TRRAP: variants seen among roughly 807,000 people sequenced by gnomAD.
TRRAP encodes the protein transformation/transcription domain-associated protein.
A neutral mutation model predicts 438.8 loss-of-function variants in TRRAP; 41 were observed. That is an observed-to-expected ratio of 0.09 (90% CI 0.07 to 0.12). The LOEUF is 0.12. Among genes scored for constraint, TRRAP ranks in the 10% least tolerant of loss-of-function variants. The probability of loss-of-function intolerance (pLI) is 1.00; values close to 1 mark genes in which losing one functional copy is unlikely to be tolerated. For synonymous variants in TRRAP, 1,994 were observed against 1,962.9 expected (o/e 1.02, Z -0.42); for missense variants, 3,122 against 5,055.1 (o/e 0.62, Z 11.60).
intron 1 of TRRAP, among the ~76,000 whole-genome samples, chr7:98,878,919 C>G (rs1795285944): frequency 6.6e-6 from 1 of 152,122 alleles, no homozygotes; most frequent in South Asian, 2.1e-4. Context: ...ACGGAGCGCC[C>G]GGGACGGCGA....
intron 39 of TRRAP, 141 bp from the exon 40 acceptor site, chr7:98,953,026 T>A (rs1396053583): frequency 6.4e-6 from 7 of 1,100,554 alleles, no homozygotes; most frequent in Non-Finnish European, 9.0e-6. Context: ...AAACTTCATG[T>A]TACATTGTGT....
Position 98,945,958 on chromosome 7 carries a change from C to G in TRRAP, c.4548+8C>G. 1 of 1,458,588 alleles carries G rather than the reference C, an allele frequency of 6.9e-7. No individual in the cohort carries two copies. Among genetic ancestry groups the G allele is most frequent in the Non-Finnish European group, 9.0e-7 (1 of 1,105,282 alleles). 90.4% of individuals were successfully genotyped at this position (1,458,588 alleles called of 1,614,324 possible). ...GCCATGGAAGGGGTAGAGGTGAGAA[C>G]TTGAGCGGAGCTACAGGAGGGGGTT... On this transcript the variant is annotated splice_region_variant and intron_variant, in intron 33 of 72. Coordinates refer to ENST00000456197, the MANE Select transcript of TRRAP (RefSeq NM_001375524.1).
chr7:98,981,745 T>C (rs1425458056), intron 58 of TRRAP, 24 bp from the exon 59 acceptor site: 2 of 1,587,374 alleles, frequency 1.3e-6, no homozygotes, highest in Admixed American at 1.8e-5. Flanking sequence ...CCTCACGTCC[T>C]GTGTCACGTT....
At chr7:98,912,728 T>C (rs1789331470) in intron 18 of TRRAP, among the ~76,000 whole-genome samples, 1 of 152,154 alleles carries the variant, frequency 6.6e-6, no homozygotes, top group South Asian at 2.1e-4. Flanking sequence ...GAAAAAAATG[T>C]CTTCACCTAC....
chr7:98,981,714 T>C (rs1792928466), intron 58 of TRRAP, 55 bp from the exon 59 acceptor site: 3 of 1,531,382 alleles, frequency 2.0e-6, no homozygotes, highest in Non-Finnish European at 2.6e-6. Flanking sequence ...TTTGACACTT[T>C]ACACTGAGGG....
At chr7:98,959,936 T>TAAAAAAAAAAAA (rs780800568) in intron 45 of TRRAP, among the ~76,000 whole-genome samples, 1 of 112,704 alleles carries the variant, frequency 8.9e-6, no homozygotes, top group African/African-American at 3.8e-5. Context: ...CCTGGTCTCT[T>TAAAAAAAAAAAA]AAAAAAAAAA....
Position 98,914,424 on chromosome 7 carries a change from A to G in TRRAP, c.2200-1299A>G, listed in dbSNP as rs1393617323. The stretch of plus-strand genomic sequence containing the variant: ...AATACTTATTTTTAAATTTAAAGAT[A>G]TAAAATAATTATAATCTGTGTCCTC... On this transcript the variant is annotated intron_variant, in intron 18 of 72. Transcript: ENST00000456197. Among the ~76,000 whole-genome samples the G allele has an allele frequency of 2.0e-5, 3 of 152,160 alleles. No homozygotes were observed. In the East Asian group the frequency reaches 5.8e-4, roughly 29 times the overall value.
chr7:98,995,687 A>T (rs1161100503), intron 67 of TRRAP, among the ~76,000 whole-genome samples: 3 of 82,592 alleles, frequency 3.6e-5, no homozygotes, highest in African/African-American at 1.5e-4. Flanking sequence ...CCATCCTTGC[A>T]CCCCCATCCC....
chr7:99,005,472 A>G lies in TRRAP; in HGVS notation c.10753+124A>G, dbSNP rs147839403. 23,405 of 888,092 alleles carry G rather than the reference A, an allele frequency of 0.026. 379 individuals are homozygous for G. The highest frequency in any genetic ancestry group is 0.033 in the South Asian group (2,063 of 63,464). The allele number at this position is 888,092 out of a possible 1,614,324, so 55.0% of individuals were successfully genotyped here. ...TTTGAGGGTCCAGCTGCGTCAGCAG[A>G]GAATGTTGTAGTCTGTGCTGACCAG... On this transcript the variant is annotated intron_variant, in intron 69 of 72. Coordinates refer to ENST00000456197, the MANE Select transcript of TRRAP (RefSeq NM_001375524.1). This position sits in a 1 kb window ranked among gnomAD's most constrained non-coding sequence, Gnocchi z 5.1.
intron 6 of TRRAP, 132 bp downstream of exon 6, chr7:98,894,013 C>A (rs1796087109): frequency 2.6e-6 from 2 of 773,934 alleles, no homozygotes; most frequent in Admixed American, 2.8e-5. Flanking sequence ...AAGTTTGGGG[C>A]AATTCTTTAT....
chr7:98,999,001 C>G, intron 67 of TRRAP: 1 of 654,942 alleles, frequency 1.5e-6, no homozygotes. Context: ...CCCCCACAGG[C>G]GGGGGCAGCA....
intron 18 of TRRAP, among the ~76,000 whole-genome samples, chr7:98,914,956 C>T (rs1789453962): frequency 6.6e-6 from 1 of 151,428 alleles, no homozygotes; most frequent in South Asian, 2.1e-4. Context: ...TCATGTTAAA[C>T]TTAGCATGTG....
chr7:99,001,101 C>T (rs1203176770), intron 67 of TRRAP, among the ~76,000 whole-genome samples: 1 of 152,238 alleles, frequency 6.6e-6, no homozygotes, highest in Non-Finnish European at 1.5e-5. Context: ...TCTCCTTAAT[C>T]GGAAAGGACA....
At chr7:98,997,405 A>G (rs971258338) in intron 67 of TRRAP, among the ~76,000 whole-genome samples, 1 of 149,630 alleles carries the variant, frequency 6.7e-6, no homozygotes, top group Non-Finnish European at 1.5e-5. Flanking sequence ...AAGGAAAGAC[A>G]GTTTTTCAAA....
At chr7:98,930,312 C>T (rs1554412560) in intron 24 of TRRAP, 106 bp downstream of exon 24, 4 of 1,369,680 alleles carry the variant, frequency 2.9e-6, no homozygotes, top group Non-Finnish European at 4.0e-6. Context: ...CGCAGTGGCT[C>T]ACGCCTGTAA....
At position 98,971,790 on chromosome 7, in the gene TRRAP, G is replaced by GC; in HGVS notation, c.7693-9_7693-8insC. On this transcript the variant is annotated splice_polypyrimidine_tract_variant and intron_variant, in intron 52 of 72. Coordinates refer to ENST00000456197, the MANE Select transcript of TRRAP (RefSeq NM_001375524.1). ...ACCTTTTGGTTTTGCTTGCTGCTTT[G>GC]TTTCTTAGGATGTAGAGATAGACAT... is the stretch of plus-strand genomic sequence containing the variant. 1 of 1,612,010 alleles carries GC rather than the reference G, an allele frequency of 6.2e-7. No homozygotes were observed. The highest frequency in any genetic ancestry group is 8.5e-7 in the Non-Finnish European group (1 of 1,179,288).
chr7:98,980,801 C>G (rs1016204518), intron 58 of TRRAP, among the ~76,000 whole-genome samples: 4 of 152,248 alleles, frequency 2.6e-5, no homozygotes, highest in Non-Finnish European at 4.4e-5. Context: ...CGCCTGTGAT[C>G]CCAACGCTTT....
chr7:98,898,583 CTGAG>C (rs1224057302), intron 8 of TRRAP, among the ~76,000 whole-genome samples: 1 of 152,174 alleles, frequency 6.6e-6, no homozygotes, highest in Non-Finnish European at 1.5e-5. Context: ...AATTTGTTTT[CTGAG>C]TATCATTCCT....
chr7:98,931,419 A>G lies in TRRAP; in HGVS notation c.3606A>G (p.Ala1202=). Residue 1202 remains alanine (A), a synonymous_variant, in exon 26 of 73, where the codon GCA becomes GCG. Transcript: ENST00000456197. ...CTGACTTGCAGGTTTCCAATGGGGCAGTCGCTATGGCAAAGACCACGCTGG... is the reference window on the plus strand; with the variant it reads ...CTGACTTGCAGGTTTCCAATGGGGCGGTCGCTATGGCAAAGACCACGCTGG... The part of the protein sequence containing the change: ...MDLTGEVSNG[A]VAMAKTTLEQ... 2 of 1,613,852 alleles carry G rather than the reference A, an allele frequency of 1.2e-6. No homozygotes were observed. The highest frequency in any genetic ancestry group is 1.7e-6 in the Non-Finnish European group (2 of 1,179,940).
Sources: gnomAD v4.1 joint callset for allele counts (sites outside exome capture counted in the v4.1 genomes callset) on GRCh38, gnomAD v4.1.1 for gene constraint, Gnocchi (gnomAD v3.1) non-coding constraint, MANE v1.5 for transcripts, NCBI Gene and HGNC (gene_info 2026-07-23, HGNC 2026-07-21) for gene names.